Variants in LRRC7 observed in about 807,000 individuals in gnomAD.
LRRC7 encodes leucine rich repeat containing 7.
In LRRC7, 23 loss-of-function variants were observed where a neutral mutation model predicts 175.7. That is an observed-to-expected ratio of 0.13 (90% CI 0.09 to 0.19). The LOEUF is 0.19. Among genes scored for constraint, LRRC7 ranks in the 10% least tolerant of loss-of-function variants. The probability of loss-of-function intolerance (pLI) is 1.00; values close to 1 mark genes in which losing one functional copy is unlikely to be tolerated. For missense variants in LRRC7, 1,354 were observed against 1,904.7 expected, an observed-to-expected ratio of 0.71 and a Z score of 5.38; for synonymous variants, 685 against 680.9, an observed-to-expected ratio of 1.01 and a Z score of -0.09.
At chr1:69,586,137 C>T (rs1646394922) in intron 1 of LRRC7, among the ~76,000 whole-genome samples, 1 of 152,164 alleles carries the variant, frequency 6.6e-6, no homozygotes, top group South Asian at 2.1e-4. Context: ...AGTCAAAATA[C>T]TGAAATAAAA....
At chr1:70,017,004 C>T (rs1330478077) in intron 14 of LRRC7, among the ~76,000 whole-genome samples, 7 of 152,152 alleles carry the variant, frequency 4.6e-5, no homozygotes, top group Admixed American at 2.6e-4. Context: ...TCAGGCTGGG[C>T]GCGGTGGCTC....
chr1:70,030,705 G>C (rs1228285079), intron 18 of LRRC7, among the ~76,000 whole-genome samples: 1 of 151,822 alleles, frequency 6.6e-6, no homozygotes, highest in Admixed American at 6.6e-5. Flanking sequence ...ATTAAATATA[G>C]AAAACCCCCA....
intron 3 of LRRC7, among the ~76,000 whole-genome samples, chr1:69,767,207 A>T (rs1671717939): frequency 6.6e-6 from 1 of 152,142 alleles, no homozygotes; most frequent in African/African-American, 2.4e-5. Flanking sequence ...TCGGTACTTC[A>T]TTCCTTTTTA....
intron 21 of LRRC7, among the ~76,000 whole-genome samples, chr1:70,040,288 C>G (rs1031412963): frequency 4.6e-5 from 7 of 152,062 alleles, no homozygotes; most frequent in Non-Finnish European, 1.0e-4. Flanking sequence ...TTCTAATGAG[C>G]AATAATTTTC....
chr1:69,749,011 C>A (rs1179114908), intron 2 of LRRC7, among the ~76,000 whole-genome samples: 5 of 152,150 alleles, frequency 3.3e-5, no homozygotes, highest in African/African-American at 1.2e-4. Flanking sequence ...AAGCCAAACT[C>A]TTCAAGAAAC....
chr1:70,102,649 G>T (rs1219210051), intron 25 of LRRC7, among the ~76,000 whole-genome samples: 2 of 152,128 alleles, frequency 1.3e-5, no homozygotes, highest in African/African-American at 4.8e-5. Context: ...AAGGGAGTGA[G>T]CCACCGTGCC....
At chr1:70,098,970 A>C (rs1383785043) in intron 25 of LRRC7, among the ~76,000 whole-genome samples, 1 of 152,310 alleles carries the variant, frequency 6.6e-6, no homozygotes, top group East Asian at 1.9e-4. Flanking sequence ...AACTCATTTT[A>C]TGAGGCCAGC....
intron 7 of LRRC7, among the ~76,000 whole-genome samples, chr1:69,898,555 C>G (rs184861278): frequency 6.6e-6 from 1 of 152,342 alleles, no homozygotes; most frequent in African/African-American, 2.4e-5. Flanking sequence ...AATACCATTG[C>G]AACAGCACCA....
chr1:69,937,161 A>G (rs981777305), intron 8 of LRRC7, among the ~76,000 whole-genome samples: 2 of 152,132 alleles, frequency 1.3e-5, no homozygotes, highest in Admixed American at 6.6e-5. Context: ...TTGCACCTCA[A>G]TTTTTAAACA....
At chr1:69,585,169 G>A (rs879033863) in intron 1 of LRRC7, among the ~76,000 whole-genome samples, 1 of 152,124 alleles carries the variant, frequency 6.6e-6, no homozygotes, top group Non-Finnish European at 1.5e-5. Context: ...AATAAAAGGA[G>A]AAGAAATGAG....
intron 17 of LRRC7, among the ~76,000 whole-genome samples, chr1:70,027,239 T>C (rs7414914): frequency 6.6e-6 from 1 of 152,188 alleles, no homozygotes; most frequent in East Asian, 1.9e-4. Flanking sequence ...ATCCTTTTTT[T>C]CCCAGTCCCT....
At chr1:69,822,507 C>A (rs1232626347) in intron 4 of LRRC7, among the ~76,000 whole-genome samples, 2 of 152,182 alleles carry the variant, frequency 1.3e-5, no homozygotes, top group African/African-American at 2.4e-5. Flanking sequence ...TGGTTGCTGA[C>A]AGTCCGTACC....
chr1:69,923,341 G>C (rs1376390577), intron 7 of LRRC7, among the ~76,000 whole-genome samples: 1 of 152,176 alleles, frequency 6.6e-6, no homozygotes. Flanking sequence ...CCAGTAATGG[G>C]ATGGCTGGGT....
chr1:69,719,707 T>C (rs1330408573), intron 2 of LRRC7, among the ~76,000 whole-genome samples: 2 of 151,640 alleles, frequency 1.3e-5, no homozygotes, highest in African/African-American at 4.8e-5. Flanking sequence ...TATTGTTTTA[T>C]TTCAGGTGAT....
intron 7 of LRRC7, among the ~76,000 whole-genome samples, chr1:69,910,643 G>A (rs948725205): frequency 2.0e-5 from 3 of 152,154 alleles, no homozygotes; most frequent in Non-Finnish European, 2.9e-5. Context: ...GGCTGCTCGG[G>A]GGTCAAGGAC....
intron 5 of LRRC7, among the ~76,000 whole-genome samples, chr1:69,830,698 C>G (rs898872727): frequency 6.6e-6 from 1 of 151,702 alleles, no homozygotes; most frequent in Non-Finnish European, 1.5e-5. Flanking sequence ...AGTAACCATT[C>G]AATAAAAAAT....
intron 2 of LRRC7, among the ~76,000 whole-genome samples, chr1:69,705,163 C>T (rs541122943): frequency 6.6e-6 from 1 of 152,214 alleles, no homozygotes; most frequent in South Asian, 2.1e-4. Flanking sequence ...TAAGTAACCC[C>T]CAAAACTCAG....
intron 11 of LRRC7, among the ~76,000 whole-genome samples, chr1:70,007,187 A>G (rs970138819): frequency 2.0e-5 from 3 of 152,120 alleles, no homozygotes; most frequent in African/African-American, 7.2e-5. Context: ...ACCAGCCCCC[A>G]TTCTGAGGCT....
chr1:69,610,962 A>G (rs1456183209), intron 1 of LRRC7, among the ~76,000 whole-genome samples: 1 of 152,024 alleles, frequency 6.6e-6, no homozygotes, highest in East Asian at 1.9e-4. Context: ...TTATGATGAC[A>G]AGATACAAAC....
Sources: allele counts gnomAD v4.1 joint callset (sites outside exome capture counted in the v4.1 genomes callset), GRCh38; gene constraint gnomAD v4.1.1; transcripts MANE v1.5; gene names NCBI Gene and HGNC (gene_info 2026-07-23, HGNC 2026-07-21).